Variants in ASS1 observed in about 807,000 individuals in gnomAD.
ASS1 encodes the protein argininosuccinate synthase 1.
In ASS1, 58 loss-of-function variants were observed where a neutral mutation model predicts 60.5. The ratio of observed to expected loss-of-function variants is 0.96; its 90% CI spans 0.78 to 1.19. ASS1 has a LOEUF of 1.19. Ranked by LOEUF, ASS1 falls within the 50% of genes most tolerant of loss-of-function variation. The probability of loss-of-function intolerance (pLI) is 0.00; values close to 1 mark genes in which losing one functional copy is unlikely to be tolerated. For missense variants in ASS1, 454 were observed against 547.3 expected, an observed-to-expected ratio of 0.83 and a Z score of 1.70; for synonymous variants, 200 against 206.9, an observed-to-expected ratio of 0.97 and a Z score of 0.29.
intron 13 of ASS1, among the ~76,000 whole-genome samples, chr9:130,497,555 AT>A (rs1286008003): frequency 6.6e-6 from 1 of 152,130 alleles, no homozygotes; most frequent in African/African-American, 2.4e-5. Flanking sequence ...TCAAACCACA[AT>A]TTTAAAAAGA....
intron 8 of ASS1, among the ~76,000 whole-genome samples, chr9:130,475,749 T>G (rs866504722): frequency 4.7e-4 from 70 of 150,448 alleles, no homozygotes; most frequent in Middle Eastern, 6.8e-3. Context: ...GTGTTTTTTT[T>G]TTTTTTTTTT....
At chr9:130,454,229 G>A (rs1446873219) in intron 2 of ASS1, 76 bp from the exon 3 acceptor site, 24 of 1,443,562 alleles carry the variant, frequency 1.7e-5, no homozygotes, top group Non-Finnish European at 2.1e-5. Flanking sequence ...GGGGGTGGGA[G>A]GCTGCTGCAT....
intron 1 of ASS1, chr9:130,450,385 A>C: frequency 2.1e-6 from 2 of 967,864 alleles, no homozygotes; most frequent in Non-Finnish European, 1.2e-6. Flanking sequence ...CCTTCCCTCC[A>C]TCCTGCATGG....
intron 1 of ASS1, chr9:130,451,694 G>A: frequency 2.6e-6 from 1 of 382,480 alleles, no homozygotes; most frequent in Non-Finnish European, 5.2e-6. Flanking sequence ...CCTGCTGGCT[G>A]CCTCCCCAAT....
In ASS1 at chr9:130,476,912, A is replaced by G. The variant is rs1417942006; in HGVS notation, c.639A>G (p.Pro213=). ...GTCTCTACACGAAGACCCAGGACCC[A>G]GCCAAAGCCCCCAACACCCCTGACA... The part of the protein sequence containing the change: ...PPGLYTKTQD[P]AKAPNTPDIL... The change falls in exon 9 of 15, where the codon CCA becomes CCG. Residue 213 remains proline, a synonymous_variant. Transcript: ENST00000352480. This position sits in a 1 kb window ranked among gnomAD's most constrained non-coding sequence, Gnocchi z 4.9. The G allele has an allele frequency of 6.2e-7, 1 of 1,614,120 alleles. No homozygotes were observed. The highest frequency in any genetic ancestry group is 1.7e-5 in the Admixed American group (1 of 60,012).
chr9:130,445,211 TGGG>T, intron 1 of ASS1: 3 of 984,736 alleles, frequency 3.0e-6, no homozygotes, highest in Non-Finnish European at 3.6e-6. Context: ...TTCTGGAGCG[TGGG>T]GGACGCGGCG....
intron 1 of ASS1, among the ~76,000 whole-genome samples, chr9:130,446,321 C>T (rs1321204438): frequency 6.6e-6 from 1 of 152,188 alleles, no homozygotes; most frequent in Non-Finnish European, 1.5e-5. Flanking sequence ...GAGGGAGAAG[C>T]AGCCACACGG....
chr9:130,472,817 G>A (rs1845902372), intron 8 of ASS1, among the ~76,000 whole-genome samples: 1 of 152,196 alleles, frequency 6.6e-6, no homozygotes, highest in African/African-American at 2.4e-5. Context: ...TCCAGGCAGG[G>A]CATCCTCTCA....
At chr9:130,447,848 C>T (rs1271724159) in intron 1 of ASS1, among the ~76,000 whole-genome samples, 2 of 152,154 alleles carry the variant, frequency 1.3e-5, no homozygotes, top group Non-Finnish European at 2.9e-5. Context: ...GCCATAGCAG[C>T]GGTGCACAGA....
chr9:130,480,861 AG>A (rs1229299656), intron 11 of ASS1, among the ~76,000 whole-genome samples: 1 of 152,182 alleles, frequency 6.6e-6, no homozygotes, highest in Non-Finnish European at 1.5e-5. Context: ...AAATCCTGCC[AG>A]GGGTGGGCGC....
At chr9:130,450,276 G>C (rs952101534) in intron 1 of ASS1, 36 of 988,022 alleles carry the variant, frequency 3.6e-5, no homozygotes, top group Non-Finnish European at 3.9e-5. Context: ...TTGCAGAGTG[G>C]TTCACTGCAC....
chr9:130,470,882 G>A lies in ASS1; in HGVS notation c.544G>A (p.Asp182Asn). ...PVTPKNPWSM[D>N]ENLMHISYEA... ...CACTCCCAAGAACCCGTGGAGCATG[G>A]ATGAGAACCTCATGCACATCAGGTA... The change falls in exon 7 of 15, where the codon GAT (aspartate) becomes AAT (asparagine). Residue 182 changes from aspartate to asparagine, a missense_variant. Transcript: ENST00000352480. The surrounding 1 kb of genome is among the most constrained non-coding windows in gnomAD (Gnocchi z 4.3). The A allele has an allele frequency of 6.2e-7, 1 of 1,614,106 alleles. No individual in the cohort carries two copies. The highest frequency in any genetic ancestry group is 2.2e-5 in the East Asian group (1 of 44,878).
chr9:130,488,460 T>C lies in ASS1; in HGVS notation c.839-873T>C, dbSNP rs994211759. Among the ~76,000 whole-genome samples, 1 of 152,214 alleles carries C rather than the reference T, an allele frequency of 6.6e-6. No homozygotes were observed. Among genetic ancestry groups the C allele is most frequent in the African/African-American group, 2.4e-5 (1 of 41,460 alleles). ...AAGAGGGGGCCTGGGCTGTGTGCTG[T>C]GGGCGGTCCTGCCTCTTGGTGCCCC... On this transcript the variant is annotated intron_variant, in intron 11 of 14. Transcript: ENST00000352480. This position sits in a 1 kb window ranked among gnomAD's most constrained non-coding sequence, Gnocchi z 5.2.
At chr9:130,475,884 G>A (rs1210571133) in intron 8 of ASS1, among the ~76,000 whole-genome samples, 1 of 151,886 alleles carries the variant, frequency 6.6e-6, no homozygotes, top group East Asian at 1.9e-4. Context: ...AGCCTCCTGA[G>A]TAGCTGGGAC....
In ASS1 at chr9:130,478,426, C is replaced by T. The variant is rs749700040; in HGVS notation, c.689-1290C>T. The stretch of plus-strand genomic sequence containing the variant: ...GGCACCAGGCTCTGGCAGCCCTGCC[C>T]GAGGACCAGGGCAGCTCCGCAGGCT... On this transcript the variant is annotated intron_variant, in intron 9 of 14. Transcript: ENST00000352480. This position sits in a 1 kb window ranked among gnomAD's most constrained non-coding sequence, Gnocchi z 4.7. Among the ~76,000 whole-genome samples, 10 of 152,062 alleles carry T rather than the reference C, an allele frequency of 6.6e-5. No individual in the cohort carries two copies. The East Asian group carries it at 7.8e-4, about 12-fold the overall frequency.
chr9:130,471,730 C>A (rs376535206), intron 8 of ASS1, among the ~76,000 whole-genome samples: 5 of 152,282 alleles, frequency 3.3e-5, no homozygotes, highest in Middle Eastern at 3.4e-3. Flanking sequence ...CCCCGCCCTT[C>A]CTCTTCTAAT....
chr9:130,458,729 C>A, intron 4 of ASS1, 140 bp downstream of exon 4: 1 of 1,227,722 alleles, frequency 8.1e-7, no homozygotes, highest in Non-Finnish European at 1.1e-6. Flanking sequence ...TTGTTTAGAC[C>A]CCAATGAGAG....
At position 130,476,161 on chromosome 9, in the gene ASS1, T is replaced by C. The variant is rs1464543838; in HGVS notation, c.598-710T>C. The stretch of plus-strand genomic sequence containing the variant: ...ATGCCCACAGGAGGGACCTGAGCAG[T>C]CAGGCCCAAGAGGCCCCAGTCCCCA... On this transcript the variant is annotated intron_variant, in intron 8 of 14. Coordinates refer to ENST00000352480, the MANE Select transcript of ASS1 (RefSeq NM_054012.4). This position sits in a 1 kb window ranked among gnomAD's most constrained non-coding sequence, Gnocchi z 4.9. The C allele has an allele frequency of 6.6e-6, 1 of 152,614 alleles. No homozygotes were observed. The highest frequency in any genetic ancestry group is 1.9e-4 in the East Asian group (1 of 5,188). 9.5% of individuals were successfully genotyped at this position (152,614 alleles called of 1,614,324 possible).
intron 11 of ASS1, among the ~76,000 whole-genome samples, chr9:130,484,865 A>G (rs1258900169): frequency 6.6e-6 from 1 of 152,030 alleles, no homozygotes; most frequent in Non-Finnish European, 1.5e-5. Context: ...ACCTAAAAAC[A>G]AGTTTTTTGA....
Sources: allele counts gnomAD v4.1 joint callset (sites outside exome capture counted in the v4.1 genomes callset), GRCh38; gene constraint gnomAD v4.1.1; non-coding constraint Gnocchi (gnomAD v3.1); transcripts MANE v1.5; gene names NCBI Gene and HGNC (gene_info 2026-07-23, HGNC 2026-07-21).